Variants in SAP30L observed in about 807,000 individuals in gnomAD.
SAP30L encodes histone deacetylase complex subunit SAP30L.
SAP30L carries 10 observed loss-of-function variants against 22.3 expected under a neutral mutation model. The observed-to-expected ratio is 0.45, with a 90% CI of 0.28 to 0.76. SAP30L has a LOEUF of 0.76. Ranked by LOEUF, SAP30L falls within the 30% of genes least tolerant of loss-of-function variation. SAP30L has a pLI of 0.14. For missense variants in SAP30L, 206 were observed against 237.9 expected, an observed-to-expected ratio of 0.87 and a Z score of 0.88; for synonymous variants, 91 against 94.1, an observed-to-expected ratio of 0.97 and a Z score of 0.19.
chr5:154,446,737 G>C lies in SAP30L; in HGVS notation c.133G>C (p.Ala45Pro). 6.2e-7 allele frequency: 1 copy of C among 1,607,138 alleles called. No individual in the cohort carries two copies. Among genetic ancestry groups the C allele is most frequent in the Non-Finnish European group, 8.5e-7 (1 of 1,178,698 alleles). ...GCGCTGCGTCCGGCCCGCGGGCAACGCCTCCTTCAGCAAGAGGGTCCAGAA... is the reference window on the plus strand; with the variant it reads ...GCGCTGCGTCCGGCCCGCGGGCAACCCCTCCTTCAGCAAGAGGGTCCAGAA... Reference protein sequence around the residue: ...GERCVRPAGNASFSKRVQKSI... With the variant: ...GERCVRPAGNPSFSKRVQKSI... The change falls in exon 1 of 4, where the codon GCC becomes CCC. Residue 45 changes from alanine (A) to proline (P), a missense_variant. Ala to Pro is a conservative substitution (Grantham distance 27). Transcript: ENST00000297109.
In SAP30L at chr5:154,446,447, C is replaced by A; in HGVS notation, c.-158C>A. 2 of 541,408 alleles carry A rather than the reference C, an allele frequency of 3.7e-6. No homozygotes were observed. Among genetic ancestry groups the A allele is most frequent in the Non-Finnish European group, 5.8e-6 (2 of 343,854 alleles). The allele number at this position is 541,408 out of a possible 1,614,324, so 33.5% of individuals were successfully genotyped here. On this transcript the variant is annotated 5_prime_UTR_variant, in exon 1 of 4. Coordinates refer to ENST00000297109, the MANE Select transcript of SAP30L (RefSeq NM_024632.6). ...GGCGGAGGGCCGGGGGCCGAGGGAG[C>A]CGGGCCTCTCGGACGCGGGGCAGGG...
chr5:154,452,772 G>A (rs79905539), intron 2 of SAP30L, among the ~76,000 whole-genome samples: 5,965 of 151,386 alleles, frequency 0.039, 127 homozygotes, highest in Non-Finnish European at 0.052. Flanking sequence ...CTATCCGGTC[G>A]CTGCCTCGTT....
At position 154,451,073 on chromosome 5, in the gene SAP30L, G is replaced by T; in HGVS notation, c.202-18G>T. On this transcript the variant is annotated intron_variant, in intron 1 of 3. Transcript: ENST00000297109. ...CAAGGAATTGGCCAACTCTGACTTT[G>T]ATTTTTGTCTCCATCAGGTAAGGCA... The T allele has an allele frequency of 6.2e-7, 1 of 1,613,818 alleles. No individual in the cohort carries two copies. Among genetic ancestry groups the T allele is most frequent in the South Asian group, 1.1e-5 (1 of 91,020 alleles).
rs1191137765 is a variant in SAP30L at position 154,457,215 on chromosome 5, A to T, written c.*1187A>T. On this transcript the variant is annotated 3_prime_UTR_variant, in exon 4 of 4. Transcript: ENST00000297109. ...TTCAAAACGTTGAACTCCTCAATCT[A>T]ATTATATCAGAGCCAAAGTATCCTG... 6.6e-6 allele frequency: 1 copy of T among 152,240 alleles called. No homozygotes were observed. Among genetic ancestry groups the T allele is most frequent in the African/African-American group, 2.4e-5 (1 of 41,458 alleles). The allele number at this position is 152,240 out of a possible 1,614,324, so 9.4% of individuals were successfully genotyped here. A position where few individuals can be genotyped will look rare whatever the true frequency, so the allele number is the denominator to read the frequency against.
At chr5:154,452,512 C>T (rs1757165499) in intron 2 of SAP30L, 2 of 983,854 alleles carry the variant, frequency 2.0e-6, no homozygotes, top group South Asian at 4.7e-5. Context: ...AAAGGCAGCC[C>T]AACTTTATGG....
At position 154,458,162 on chromosome 5, in the gene SAP30L, A is replaced by G. The variant is rs1484928827; in HGVS notation, c.*2134A>G. The G allele has an allele frequency of 2.0e-5, 3 of 152,154 alleles. No homozygotes were observed. Among genetic ancestry groups the G allele is most frequent in the Admixed American group, 6.5e-5 (1 of 15,272 alleles). The allele number at this position is 152,154 out of a possible 1,614,324, so 9.4% of individuals were successfully genotyped here. The stretch of plus-strand genomic sequence containing the variant: ...TTATTCCAAAGCGAAACCTGGGGAA[A>G]TGTTTTACCTTCAGCCAGATGCTGT... On this transcript the variant is annotated 3_prime_UTR_variant, in exon 4 of 4. Coordinates refer to ENST00000297109, the MANE Select transcript of SAP30L (RefSeq NM_024632.6).
chr5:154,451,258 C>T, intron 2 of SAP30L, 45 bp downstream of exon 2: 1 of 1,596,746 alleles, frequency 6.3e-7, no homozygotes, highest in Non-Finnish European at 8.5e-7. Context: ...AGAATGGATT[C>T]TAATCTGATT....
Position 154,453,509 on chromosome 5 carries a change from A to C in SAP30L, c.423+9A>C, listed in dbSNP as rs146967672. 3.9e-3 allele frequency: 6,205 copies of C among 1,584,920 alleles called. 15 individuals are homozygous for C. The highest frequency in any genetic ancestry group is 4.8e-3 in the Non-Finnish European group (5,543 of 1,153,270). On this transcript the variant is annotated intron_variant, in intron 3 of 3. Transcript: ENST00000297109. Reference sequence around the variant, plus strand: ...AGGCCCAGTTAGCAGAAGTAGGTAGACAAAATTGCCCTCTAAAGAGAGCCA... The same window carrying C: ...AGGCCCAGTTAGCAGAAGTAGGTAGCCAAAATTGCCCTCTAAAGAGAGCCA...
intron 1 of SAP30L, among the ~76,000 whole-genome samples, chr5:154,448,988 A>G (rs1757084174): frequency 6.6e-6 from 1 of 152,210 alleles, no homozygotes; most frequent in Admixed American, 6.5e-5. Flanking sequence ...AAAAAAAAAA[A>G]CTAGAGCCTT....
At chr5:154,447,540 C>T (rs1582038244) in intron 1 of SAP30L, among the ~76,000 whole-genome samples, 1 of 152,256 alleles carries the variant, frequency 6.6e-6, no homozygotes, top group East Asian at 1.9e-4. Context: ...AATTCTGAAG[C>T]TGTGCCTATT....
rs776224872 is a variant in SAP30L, at chr5:154,446,838, G to T, written c.201+33G>T. On this transcript the variant is annotated intron_variant, in intron 1 of 3. Transcript: ENST00000297109. Reference sequence around the variant, plus strand: ...CGCCCCCGCTCGCGTCTGGGCCCCGGCGCCCCCAGCTCTCCGTCCGCTGCC... The same window carrying T: ...CGCCCCCGCTCGCGTCTGGGCCCCGTCGCCCCCAGCTCTCCGTCCGCTGCC... The T allele has an allele frequency of 1.3e-6, 2 of 1,561,636 alleles. 1 individual carries two copies. The highest frequency in any genetic ancestry group is 2.3e-5 in the South Asian group (2 of 87,654).
rs932831070 is a variant in SAP30L at position 154,457,193 on chromosome 5, A to G, written c.*1165A>G. ...AAATTACCTAATTTTTTTGTTGTTC[A>G]AAACGTTGAACTCCTCAATCTAATT... On this transcript the variant is annotated 3_prime_UTR_variant, in exon 4 of 4. Coordinates refer to ENST00000297109, the MANE Select transcript of SAP30L (RefSeq NM_024632.6). The G allele has an allele frequency of 1.3e-5, 2 of 152,224 alleles. No homozygotes were observed. The highest frequency in any genetic ancestry group is 4.8e-5 in the African/African-American group (2 of 41,464). 9.4% of individuals were successfully genotyped at this position (152,224 alleles called of 1,614,324 possible).
intron 3 of SAP30L, among the ~76,000 whole-genome samples, chr5:154,455,288 C>T (rs1582044753): frequency 6.6e-6 from 1 of 152,110 alleles, no homozygotes. Flanking sequence ...AGTCACAGCT[C>T]ACTGCAGCTT....
intron 2 of SAP30L, chr5:154,452,561 CCTTT>C: frequency 1.2e-6 from 1 of 833,498 alleles, no homozygotes; most frequent in Middle Eastern, 6.0e-4. Flanking sequence ...TTCCTCTCTT[CCTTT>C]GTTAGAAACA....
At position 154,456,032 on chromosome 5, in the gene SAP30L, T is replaced by G. The variant is rs781502998; in HGVS notation, c.*4T>G. The G allele has an allele frequency of 6.2e-7, 1 of 1,613,250 alleles. No homozygotes were observed. Among genetic ancestry groups the G allele is most frequent in the Non-Finnish European group, 8.5e-7 (1 of 1,179,710 alleles). On this transcript the variant is annotated 3_prime_UTR_variant, in exon 4 of 4. Coordinates refer to ENST00000297109, the MANE Select transcript of SAP30L (RefSeq NM_024632.6). ...GGGTGGCAAGCAGCTTGAGTGAGGA[T>G]GAAGCACATCTTAAAGGAATGAAGT...
intron 2 of SAP30L, among the ~76,000 whole-genome samples, chr5:154,452,115 T>C (rs1757154849): frequency 6.6e-6 from 1 of 152,226 alleles, no homozygotes; most frequent in Non-Finnish European, 1.5e-5. Flanking sequence ...CATTGAATAT[T>C]TGACACATGA....
At position 154,446,618 on chromosome 5, in the gene SAP30L, G is replaced by C. The variant is rs1026398557; in HGVS notation, c.14G>C (p.Ser5Thr). MNGFSTEEDSREGPP... is the reference protein window; with the variant it reads MNGFTTEEDSREGPP... ...CGGGGCGGGGAGATGAACGGCTTCA[G>C]CACGGAGGAGGACAGCCGCGAAGGG... Residue 5 changes from serine to threonine, a missense_variant, in exon 1 of 4, where the codon AGC becomes ACC. Physicochemically the swap from Ser to Thr is moderately conservative, Grantham distance 58 (BLOSUM62 1). Coordinates refer to ENST00000297109, the MANE Select transcript of SAP30L (RefSeq NM_024632.6). 6.6e-7 allele frequency: 1 copy of C among 1,511,818 alleles called. No homozygotes were observed. The highest frequency in any genetic ancestry group is 1.4e-5 in the African/African-American group (1 of 70,014). The allele number at this position is 1,511,818 out of a possible 1,614,324, so 93.7% of individuals were successfully genotyped here.
rs1403710514 is a variant in SAP30L, at chr5:154,459,473, T to C, written c.*3445T>C. 6.6e-6 allele frequency: 1 copy of C among 152,282 alleles called. No homozygotes were observed. Among genetic ancestry groups the C allele is most frequent in the Non-Finnish European group, 1.5e-5 (1 of 68,056 alleles). The allele number at this position is 152,282 out of a possible 1,614,324, so 9.4% of individuals were successfully genotyped here. ...AAGTTATTTTTGGCAAAGCACCTAA[T>C]TGCTGGCACTGTCCCAAAGCATAGC... On this transcript the variant is annotated 3_prime_UTR_variant, in exon 4 of 4. Transcript: ENST00000297109.
At position 154,447,969 on chromosome 5, in the gene SAP30L, C is replaced by CTTTTTTTTTTTTTTTTTT. The variant is rs140213326; in HGVS notation, c.201+1171_201+1188dup. Among the ~76,000 whole-genome samples the CTTTTTTTTTTTTTTTTTT allele has an allele frequency of 1.1e-3, 97 of 88,388 alleles. 1 individual carries two copies. Among genetic ancestry groups the CTTTTTTTTTTTTTTTTTT allele is most frequent in the African/African-American group, 1.3e-3 (27 of 20,754 alleles). The allele number at this position is 88,388 out of a possible 152,430, so 58.0% of individuals were successfully genotyped here. On this transcript the variant is annotated intron_variant, in intron 1 of 3. Transcript: ENST00000297109. ...TTTCTTTTCTTTTTTTTTTCTTTTT[C>CTTTTTTTTTTTTTTTTTT]TTTTTTTTTTTTTTTTTTTTTTTTG... is the stretch of plus-strand genomic sequence containing the variant.
Sources: allele counts gnomAD v4.1 joint callset (sites outside exome capture counted in the v4.1 genomes callset), GRCh38; gene constraint gnomAD v4.1.1; transcripts MANE v1.5; gene names NCBI Gene and HGNC (gene_info 2026-07-23, HGNC 2026-07-21).